The following JMY variants were observed in gnomAD, a reference collection of about 807,000 sequenced individuals.
JMY encodes junction mediating and regulatory protein, p53 cofactor.
In JMY, 46 loss-of-function variants were observed where a neutral mutation model predicts 103.3. The observed-to-expected ratio is 0.45, with a 90% CI of 0.35 to 0.57. The LOEUF (loss-of-function observed/expected upper bound fraction) is 0.57, where lower values mean the gene tolerates loss of function less well. Ranked by LOEUF, JMY falls within the 20% of genes least tolerant of loss-of-function variation. The pLI, the probability that JMY is intolerant of heterozygous loss-of-function variation, is 0.00. For synonymous variants in JMY, 526 were observed against 489.3 expected (o/e 1.07, Z -0.99); for missense variants, 1,238 against 1,255.2 (o/e 0.99, Z 0.21).
In JMY at chr5:79,323,916, G is replaced by GAGTC. The variant is rs1013130382; in HGVS notation, c.*2316_*2319dup. The stretch of plus-strand genomic sequence containing the variant: ...CCCATCCTGTTACAGTTCTCCATGA[G>GAGTC]AGTCACCTCACACTTGGAAAAGAAG... On this transcript the variant is annotated 3_prime_UTR_variant, in exon 11 of 11. Coordinates refer to ENST00000396137, the MANE Select transcript of JMY (RefSeq NM_152405.5). 11 of 152,188 alleles carry GAGTC rather than the reference G, an allele frequency of 7.2e-5. No individual in the cohort carries two copies. The highest frequency in any genetic ancestry group is 2.7e-4 in the African/African-American group (11 of 41,442). 9.4% of individuals were successfully genotyped at this position (152,188 alleles called of 1,614,324 possible). A position where few individuals can be genotyped will look rare whatever the true frequency, so the allele number is the denominator to read the frequency against.
intron 10 of JMY, among the ~76,000 whole-genome samples, 153 bp from the exon 11 acceptor site, chr5:79,321,453 T>C (rs1165001881): frequency 1.3e-5 from 2 of 152,222 alleles, no homozygotes; most frequent in Non-Finnish European, 2.9e-5. Flanking sequence ...AATCTGTATT[T>C]AGATTATTTT....
At chr5:79,308,759 C>T (rs1435134261) in intron 7 of JMY, among the ~76,000 whole-genome samples, 2 of 151,950 alleles carry the variant, frequency 1.3e-5, no homozygotes, top group Non-Finnish European at 2.9e-5. Flanking sequence ...TTATTTTAGC[C>T]TCTACCGCCT....
chr5:79,301,692 A>G (rs1404929906), intron 6 of JMY, among the ~76,000 whole-genome samples: 2 of 152,196 alleles, frequency 1.3e-5, no homozygotes, highest in Non-Finnish European at 2.9e-5. Flanking sequence ...TCACATAATT[A>G]TGTGCCTTTG....
Position 79,254,143 on chromosome 5 carries a change from C to T in JMY, c.1032+16461C>T, listed in dbSNP as rs186065318. Among the ~76,000 whole-genome samples, 52 of 149,098 alleles carry T rather than the reference C, an allele frequency of 3.5e-4. No individual in the cohort carries two copies. The East Asian group carries it at 9.1e-3, about 26-fold the overall frequency. On this transcript the variant is annotated intron_variant, in intron 1 of 10. Transcript: ENST00000396137. ...TTTTTTTTTGTATTTTTAGTAGAGACGGGGTTTCGCGATGTTGGGAAGGCT... is the reference window on the plus strand; with the variant it reads ...TTTTTTTTTGTATTTTTAGTAGAGATGGGGTTTCGCGATGTTGGGAAGGCT...
chr5:79,289,706 AT>A lies in JMY; in HGVS notation c.1207-413del, dbSNP rs1746368284. 2.0e-5 allele frequency among the ~76,000 whole-genome samples: 3 copies of A among 151,912 alleles called. No individual in the cohort carries two copies. The South Asian group carries it at 6.2e-4, about 32-fold the overall frequency. Reference sequence around the variant, plus strand: ...CCTATAGGCTGGTTTTTATATTGTCATTGTGAAAATCCAGGTTTTCAATTGT... The same window carrying A: ...CCTATAGGCTGGTTTTTATATTGTCATGTGAAAATCCAGGTTTTCAATTGT... On this transcript the variant is annotated intron_variant, in intron 2 of 10. Transcript: ENST00000396137.
chr5:79,285,934 T>G (rs1746254619), intron 2 of JMY, among the ~76,000 whole-genome samples: 1 of 149,006 alleles, frequency 6.7e-6, no homozygotes, highest in Non-Finnish European at 1.5e-5. Context: ...ATTTATAAAC[T>G]AGTTTCGCTA....
chr5:79,300,896 T>C, intron 6 of JMY, 33 bp downstream of exon 6: 1 of 1,524,924 alleles, frequency 6.6e-7, no homozygotes, highest in Non-Finnish European at 8.9e-7. Flanking sequence ...CATTATTTAG[T>C]CTTTTATCCG....
rs1339910182 is a variant in JMY, at chr5:79,324,606, T to A, written c.*3004T>A. 1 of 152,238 alleles carries A rather than the reference T, an allele frequency of 6.6e-6. No homozygotes were observed. The highest frequency in any genetic ancestry group is 2.4e-5 in the African/African-American group (1 of 41,470). The allele number at this position is 152,238 out of a possible 1,614,324, so 9.4% of individuals were successfully genotyped here. On this transcript the variant is annotated 3_prime_UTR_variant, in exon 11 of 11. Transcript: ENST00000396137. ...GTAGCATGTGTAGGAAAGGTATTTT[T>A]AATTATTTAAAATCATTGTGTATAT...
intron 1 of JMY, among the ~76,000 whole-genome samples, chr5:79,275,801 G>T (rs569009129): frequency 6.6e-6 from 1 of 152,156 alleles, no homozygotes; most frequent in East Asian, 1.9e-4. Context: ...CACTTTTTTT[G>T]TTATAAAAGC....
intron 6 of JMY, among the ~76,000 whole-genome samples, chr5:79,304,542 CT>C (rs1386696389): frequency 6.6e-6 from 1 of 152,056 alleles, no homozygotes; most frequent in Non-Finnish European, 1.5e-5. Flanking sequence ...TAACAATTTT[CT>C]TTGTTTTTTA....
intron 7 of JMY, among the ~76,000 whole-genome samples, chr5:79,310,057 CTTTTTTTTT>C (rs55994052): frequency 2.7e-5 from 2 of 73,680 alleles, no homozygotes; most frequent in African/African-American, 6.4e-5. Context: ...CTTTCTTTTC[CTTTTTTTTT>C]TTTTTTTTTT....
rs1001816350 is a variant in JMY at position 79,326,843 on chromosome 5, G to A, written c.*5241G>A. The A allele has an allele frequency of 6.6e-6, 1 of 152,154 alleles. No individual in the cohort carries two copies. Among genetic ancestry groups the A allele is most frequent in the Non-Finnish European group, 1.5e-5 (1 of 68,020 alleles). 9.4% of individuals were successfully genotyped at this position (152,154 alleles called of 1,614,324 possible). A position where few individuals can be genotyped will look rare whatever the true frequency, so the allele number is the denominator to read the frequency against. On this transcript the variant is annotated 3_prime_UTR_variant, in exon 11 of 11. Coordinates refer to ENST00000396137, the MANE Select transcript of JMY (RefSeq NM_152405.5). ...TGGCTTTAGTACCATTACATTAAAT[G>A]GACAGTGTGCACAGTGTATTGTAAA...
intron 6 of JMY, among the ~76,000 whole-genome samples, chr5:79,303,548 G>T (rs1746798762): frequency 6.6e-6 from 1 of 152,186 alleles, no homozygotes. Context: ...AAGGGCACAG[G>T]CTATGAAAGA....
intron 1 of JMY, among the ~76,000 whole-genome samples, chr5:79,240,176 C>T (rs1281197117): frequency 6.6e-6 from 1 of 151,344 alleles, no homozygotes; most frequent in Non-Finnish European, 1.5e-5. Flanking sequence ...CCACCTTGTC[C>T]GGCTAATTTT....
rs867255576 is a variant in JMY, at chr5:79,302,102, A to C, written c.1881+1239A>C. 7.6e-3 allele frequency among the ~76,000 whole-genome samples: 1,151 copies of C among 150,744 alleles called. 20 individuals carry two copies. Among genetic ancestry groups the C allele is most frequent in the African/African-American group, 0.026 (1,043 of 40,714 alleles). On this transcript the variant is annotated intron_variant, in intron 6 of 10. Coordinates refer to ENST00000396137, the MANE Select transcript of JMY (RefSeq NM_152405.5). ...CCGTCTCAAAAAAAAAAAAAAAAAAACATTGCAGTGATTTCAGCAGGTCTT... is the reference window on the plus strand; with the variant it reads ...CCGTCTCAAAAAAAAAAAAAAAAAACCATTGCAGTGATTTCAGCAGGTCTT...
chr5:79,258,554 G>GT (rs1484849849), intron 1 of JMY, among the ~76,000 whole-genome samples: 2 of 152,136 alleles, frequency 1.3e-5, no homozygotes, highest in South Asian at 2.1e-4. Context: ...GGTGAGGGGT[G>GT]TGTTAGTGAG....
At chr5:79,277,774 A>T in intron 1 of JMY, 136 bp from the exon 2 acceptor site, 1 of 615,324 alleles carries the variant, frequency 1.6e-6, no homozygotes, top group Non-Finnish European at 2.7e-6. Flanking sequence ...GATGAAAAGC[A>T]GTCAATGCTT....
chr5:79,305,526 A>G (rs1015389534), intron 6 of JMY, among the ~76,000 whole-genome samples: 5 of 152,222 alleles, frequency 3.3e-5, no homozygotes, highest in Non-Finnish European at 5.9e-5. Flanking sequence ...AACTTCTCCA[A>G]ATAGTTTCCT....
intron 4 of JMY, among the ~76,000 whole-genome samples, chr5:79,293,562 A>G (rs1746483531): frequency 2.0e-5 from 3 of 152,142 alleles, no homozygotes; most frequent in African/African-American, 7.2e-5. Flanking sequence ...TCTGGCGCTG[A>G]GTCTTAATTA....
Sources: gnomAD v4.1 joint callset for allele counts (sites outside exome capture counted in the v4.1 genomes callset) on GRCh38, gnomAD v4.1.1 for gene constraint, MANE v1.5 for transcripts, NCBI Gene and HGNC (gene_info 2026-07-23, HGNC 2026-07-21) for gene names.